CCBE1: variants seen among roughly 807,000 people sequenced by gnomAD.
CCBE1 encodes the protein collagen and calcium binding EGF domains 1.
In CCBE1, 37 loss-of-function variants were observed where a neutral mutation model predicts 50.0. That is an observed-to-expected ratio of 0.74 (90% confidence interval 0.57 to 0.97). The LOEUF (loss-of-function observed/expected upper bound fraction) is 0.97. Among genes scored for constraint, CCBE1 ranks in the 50% least tolerant of loss-of-function variants. The pLI is 0.00. For missense variants in CCBE1, 538 were observed against 523.8 expected (o/e 1.03, Z -0.26); for synonymous variants, 234 against 203.7 (o/e 1.15, Z -1.27).
intron 2 of CCBE1, among the ~76,000 whole-genome samples, chr18:59,617,028 A>T (rs1305875186): frequency 6.6e-6 from 1 of 152,174 alleles, no homozygotes; most frequent in Non-Finnish European, 1.5e-5. Context: ...TTTCATCCCA[A>T]ACCAATTAGA....
chr18:59,552,196 C>T (rs1915953589), intron 2 of CCBE1, among the ~76,000 whole-genome samples: 1 of 152,200 alleles, frequency 6.6e-6, no homozygotes, highest in South Asian at 2.1e-4. Flanking sequence ...CTTTGTGGCT[C>T]AGGCCCTGGA....
chr18:59,545,159 C>A (rs1944983), intron 2 of CCBE1, among the ~76,000 whole-genome samples: 29,515 of 152,116 alleles, frequency 0.19, 3,051 homozygotes, highest in Admixed American at 0.23. Context: ...CAGGTATCCA[C>A]GGACCTTCCT....
At chr18:59,658,466 G>A (rs1269313771) in intron 2 of CCBE1, among the ~76,000 whole-genome samples, 1 of 123,502 alleles carries the variant, frequency 8.1e-6, no homozygotes, top group Non-Finnish European at 1.6e-5. Flanking sequence ...TGCTCAGGAG[G>A]CTGAGGCAGA....
At position 59,677,452 on chromosome 18, in the gene CCBE1, G is replaced by T. The variant is rs1172712311; in HGVS notation, c.212+19177C>A. 2.6e-5 allele frequency among the ~76,000 whole-genome samples: 4 copies of T among 152,174 alleles called. No individual in the cohort carries two copies. In the East Asian group the frequency reaches 7.8e-4, roughly 29 times the overall value. ...AATTTCTTGAAGACATCCAAGCAAA[G>T]ATCAAGTAGGCAACTGGATATGTGA... On this transcript the variant is annotated intron_variant, in intron 2 of 10. Coordinates refer to ENST00000439986, the MANE Select transcript of CCBE1 (RefSeq NM_133459.4).
chr18:59,696,316 A>G (rs996017742), intron 2 of CCBE1: 10 of 454,294 alleles, frequency 2.2e-5, no homozygotes, highest in South Asian at 2.0e-4. Flanking sequence ...CGTGTTTGCT[A>G]TGCCCCACTG....
intron 2 of CCBE1, among the ~76,000 whole-genome samples, chr18:59,548,211 C>A (rs1233738501): frequency 1.3e-5 from 2 of 152,076 alleles, no homozygotes; most frequent in Non-Finnish European, 2.9e-5. Context: ...AAGACTATGC[C>A]CCTTCACTCT....
At chr18:59,495,603 C>T (rs1159991775) in intron 2 of CCBE1, among the ~76,000 whole-genome samples, 3 of 150,210 alleles carry the variant, frequency 2.0e-5, no homozygotes, top group Non-Finnish European at 4.4e-5. Flanking sequence ...TCCCTGGGTG[C>T]TTGCCTTTTT....
intron 3 of CCBE1, among the ~76,000 whole-genome samples, chr18:59,477,784 A>T (rs1253444388): frequency 6.6e-6 from 1 of 152,224 alleles, no homozygotes; most frequent in African/African-American, 2.4e-5. Context: ...GCATAGTTGC[A>T]GCATGTCAGA....
At chr18:59,487,130 G>A (rs1912861141) in intron 2 of CCBE1, among the ~76,000 whole-genome samples, 1 of 148,044 alleles carries the variant, frequency 6.8e-6, no homozygotes, top group African/African-American at 2.5e-5. Flanking sequence ...AGGCACACTA[G>A]ATGGTGGCTT....
chr18:59,514,234 A>G lies in CCBE1; in HGVS notation c.213-33996T>C, dbSNP rs371573114. Among the ~76,000 whole-genome samples, 19 of 152,316 alleles carry G rather than the reference A, an allele frequency of 1.2e-4. No individual in the cohort carries two copies. The East Asian group carries it at 2.7e-3, about 22-fold the overall frequency. Reference sequence around the variant, plus strand: ...TTACCGATACGAAAATTGAGGCTCAAAGATGCTGGACCTGAATCTTTTACC... The same window carrying G: ...TTACCGATACGAAAATTGAGGCTCAGAGATGCTGGACCTGAATCTTTTACC... On this transcript the variant is annotated intron_variant, in intron 2 of 10. Coordinates refer to ENST00000439986, the MANE Select transcript of CCBE1 (RefSeq NM_133459.4).
At chr18:59,547,344 G>C (rs1016703355) in intron 2 of CCBE1, among the ~76,000 whole-genome samples, 2 of 152,142 alleles carry the variant, frequency 1.3e-5, no homozygotes, top group African/African-American at 4.8e-5. Flanking sequence ...GAAAACAGTA[G>C]AGCTCCTGGC....
intron 2 of CCBE1, among the ~76,000 whole-genome samples, chr18:59,517,834 G>T (rs936210387): frequency 6.6e-6 from 1 of 152,230 alleles, no homozygotes; most frequent in Admixed American, 6.5e-5. Context: ...GTTTGGAAGA[G>T]ATAATGAACA....
At chr18:59,636,523 A>T (rs2053919143) in intron 2 of CCBE1, among the ~76,000 whole-genome samples, 1 of 152,258 alleles carries the variant, frequency 6.6e-6, no homozygotes, top group Admixed American at 6.5e-5. Flanking sequence ...AGATCCAAGG[A>T]CAAGGACTTA....
intron 2 of CCBE1, among the ~76,000 whole-genome samples, chr18:59,578,467 A>G (rs1406836639): frequency 5.3e-5 from 8 of 152,228 alleles, no homozygotes; most frequent in Non-Finnish European, 8.8e-5. Context: ...AAAGGATTAT[A>G]AATCATTCTA....
At chr18:59,625,098 T>A (rs1239629638) in intron 2 of CCBE1, among the ~76,000 whole-genome samples, 1 of 152,164 alleles carries the variant, frequency 6.6e-6, no homozygotes, top group Non-Finnish European at 1.5e-5. Context: ...CAAAATCCCC[T>A]GCTATAAAGA....
chr18:59,686,460 C>A (rs751694208), intron 2 of CCBE1, among the ~76,000 whole-genome samples: 1 of 152,176 alleles, frequency 6.6e-6, no homozygotes, highest in South Asian at 2.1e-4. Context: ...CATGCACCTG[C>A]GTGTGACCTT....
chr18:59,675,739 T>C (rs2054492289), intron 2 of CCBE1, among the ~76,000 whole-genome samples: 1 of 152,184 alleles, frequency 6.6e-6, no homozygotes, highest in African/African-American at 2.4e-5. Flanking sequence ...TAGGAAGACA[T>C]TCTCAAAATA....
chr18:59,505,288 A>G (rs1173735334), intron 2 of CCBE1, among the ~76,000 whole-genome samples: 1 of 152,138 alleles, frequency 6.6e-6, no homozygotes, highest in Non-Finnish European at 1.5e-5. Context: ...CAAACTTAAC[A>G]TGAAACCAAG....
chr18:59,466,866 A>G lies in CCBE1; in HGVS notation c.426T>C (p.Asn142=). The G allele has an allele frequency of 3.1e-6, 5 of 1,613,390 alleles. No individual in the cohort carries two copies. The highest frequency in any genetic ancestry group is 4.2e-6 in the Non-Finnish European group (5 of 1,179,700). The change falls in exon 5 of 11, where the codon AAT becomes AAC. Residue 142 remains asparagine (N), a synonymous_variant. Coordinates refer to ENST00000439986, the MANE Select transcript of CCBE1 (RefSeq NM_133459.4). ...CLDIDECASS[N]GTLCAHICIN... ...TGCAGATGTGGGCACACAGCGTCCC[A>G]TTGCTGCTGGCACACTCATCAATAT... is the stretch of plus-strand genomic sequence containing the variant.
Sources: allele counts gnomAD v4.1 joint callset (sites outside exome capture counted in the v4.1 genomes callset), GRCh38; gene constraint gnomAD v4.1.1; transcripts MANE v1.5; gene names NCBI Gene and HGNC (gene_info 2026-07-23, HGNC 2026-07-21).